Variants in RORA observed in about 807,000 individuals in gnomAD.
The protein encoded by RORA is RAR related orphan receptor A.
In RORA, 7 loss-of-function variants were observed where a neutral mutation model predicts 69.5. The observed-to-expected ratio is 0.10, with a 90% CI of 0.06 to 0.19. RORA has a LOEUF of 0.19. Among genes scored for constraint, RORA ranks in the 10% least tolerant of loss-of-function variants. The pLI is 1.00. For missense variants in RORA, 457 were observed against 663.0 expected (o/e 0.69, Z 3.41); for synonymous variants, 261 against 240.8 (o/e 1.08, Z -0.78).
intron 1 of RORA, among the ~76,000 whole-genome samples, chr15:60,823,804 TA>T (rs35111164): frequency 0.66 from 99,389 of 150,936 alleles, 32,919 homozygotes; most frequent in South Asian, 0.8. Context: ...GATAAGAAAT[TA>T]AAAAAAAAAA....
At chr15:60,639,705 G>A (rs571402672) in intron 2 of RORA, among the ~76,000 whole-genome samples, 2 of 152,306 alleles carry the variant, frequency 1.3e-5, no homozygotes, top group East Asian at 3.9e-4. Flanking sequence ...CCTCAGGAGG[G>A]GAGGCGGGCT....
chr15:61,015,144 T>C (rs1001379026), intron 1 of RORA, among the ~76,000 whole-genome samples: 1 of 152,162 alleles, frequency 6.6e-6, no homozygotes, highest in Non-Finnish European at 1.5e-5. Flanking sequence ...AGTTGCACAT[T>C]CTATCTCTAA....
intron 5 of RORA, among the ~76,000 whole-genome samples, chr15:60,507,587 T>C (rs996777967): frequency 6.6e-6 from 1 of 152,152 alleles, no homozygotes; most frequent in African/African-American, 2.4e-5. Context: ...GTAAATTACA[T>C]GTCTTAGAAT....
In RORA at chr15:60,921,974, C is replaced by G. The variant is rs187738083; in HGVS notation, c.167-243288G>C. Among the ~76,000 whole-genome samples the G allele has an allele frequency of 5.1e-4, 77 of 152,120 alleles. 1 individual carries two copies. In the East Asian group the frequency reaches 0.012, roughly 24 times the overall value. ...AATACTATAACAGACCCCCATGGAC[C>G]CCGTCACTGAGCTTCAATAATTATC... On this transcript the variant is annotated intron_variant, in intron 1 of 10. Transcript: ENST00000335670.
intron 1 of RORA, among the ~76,000 whole-genome samples, chr15:60,787,870 A>C (rs1356742734): frequency 2.0e-5 from 3 of 152,154 alleles, no homozygotes; most frequent in African/African-American, 4.8e-5. Flanking sequence ...CCATTCATTC[A>C]TGTATTAACA....
At chr15:60,918,492 T>A (rs894117240) in intron 1 of RORA, among the ~76,000 whole-genome samples, 1 of 152,188 alleles carries the variant, frequency 6.6e-6, no homozygotes, top group Non-Finnish European at 1.5e-5. Flanking sequence ...TCATGGTAAT[T>A]ACGATTGGAA....
intron 1 of RORA, among the ~76,000 whole-genome samples, chr15:61,203,686 A>T (rs1290213206): frequency 1.3e-5 from 2 of 152,258 alleles, no homozygotes; most frequent in African/African-American, 2.4e-5. Flanking sequence ...GGAAAACATG[A>T]GTCTTCACAA....
At chr15:60,932,803 C>T (rs138067733) in intron 1 of RORA, among the ~76,000 whole-genome samples, 75 of 152,284 alleles carry the variant, frequency 4.9e-4, no homozygotes, top group African/African-American at 1.7e-3. Flanking sequence ...GCATGTGACA[C>T]TGAGGACCTC....
At chr15:61,062,427 G>A (rs2078199542) in intron 1 of RORA, among the ~76,000 whole-genome samples, 1 of 152,198 alleles carries the variant, frequency 6.6e-6, no homozygotes, top group African/African-American at 2.4e-5. Flanking sequence ...TCTCCTTGGA[G>A]AATGAGCAGA....
intron 1 of RORA, among the ~76,000 whole-genome samples, chr15:60,791,489 G>A (rs1387042560): frequency 6.6e-6 from 1 of 152,202 alleles, no homozygotes; most frequent in Non-Finnish European, 1.5e-5. Flanking sequence ...TTATGAATTT[G>A]TGGGGTTTTG....
chr15:60,635,869 C>T (rs2069828284), intron 2 of RORA, among the ~76,000 whole-genome samples: 1 of 152,294 alleles, frequency 6.6e-6, no homozygotes, highest in South Asian at 2.1e-4. Flanking sequence ...GCCTGTTCAT[C>T]TCCTATCCTC....
intron 1 of RORA, among the ~76,000 whole-genome samples, chr15:60,946,765 C>A (rs1268184770): frequency 6.6e-6 from 1 of 151,602 alleles, no homozygotes. Context: ...TGCCCGGCTG[C>A]CCAGTCTGGG....
intron 1 of RORA, among the ~76,000 whole-genome samples, chr15:60,856,259 G>C (rs958950355): frequency 6.6e-6 from 1 of 152,216 alleles, no homozygotes; most frequent in Non-Finnish European, 1.5e-5. Flanking sequence ...AAGTGGCATA[G>C]AACGTTTTGC....
chr15:60,543,955 T>C (rs976204335), intron 2 of RORA, among the ~76,000 whole-genome samples: 9 of 152,354 alleles, frequency 5.9e-5, no homozygotes, highest in African/African-American at 2.2e-4. Context: ...CCAGTGTTTC[T>C]TTCTAGGGAA....
At chr15:60,969,471 A>G (rs941453520) in intron 1 of RORA, among the ~76,000 whole-genome samples, 14 of 152,208 alleles carry the variant, frequency 9.2e-5, no homozygotes, top group African/African-American at 3.4e-4. Context: ...CCACTTCTCT[A>G]GGTAGACCAA....
intron 1 of RORA, among the ~76,000 whole-genome samples, chr15:61,206,903 G>A (rs2079946943): frequency 6.6e-6 from 1 of 152,156 alleles, no homozygotes; most frequent in Non-Finnish European, 1.5e-5. Context: ...AAGAGGCAGG[G>A]TGTGATGCTC....
intron 1 of RORA, among the ~76,000 whole-genome samples, chr15:61,025,337 C>T (rs913399196): frequency 2.0e-5 from 3 of 152,174 alleles, no homozygotes; most frequent in Admixed American, 6.5e-5. Flanking sequence ...CTTTCAGCCC[C>T]CAGACAGCCG....
chr15:61,022,209 T>A (rs1895562748), intron 1 of RORA, among the ~76,000 whole-genome samples: 3 of 152,184 alleles, frequency 2.0e-5, no homozygotes, highest in Admixed American at 2.0e-4. Context: ...AAAATCATGA[T>A]AACAAAATAA....
chr15:60,558,763 T>G (rs563124396), intron 2 of RORA, among the ~76,000 whole-genome samples: 47 of 152,144 alleles, frequency 3.1e-4, no homozygotes, highest in Admixed American at 7.2e-4. Flanking sequence ...CAAGCAAGAG[T>G]CACCTGTATT....
Sources: allele counts gnomAD v4.1 joint callset (sites outside exome capture counted in the v4.1 genomes callset), GRCh38; gene constraint gnomAD v4.1.1; transcripts MANE v1.5; gene names NCBI Gene and HGNC (gene_info 2026-07-23, HGNC 2026-07-21).